PHF20L1: variants seen among roughly 807,000 people sequenced by gnomAD.
PHF20L1 encodes PHD finger protein 20-like protein 1.
Under a neutral mutation model 125.5 loss-of-function variants are expected in PHF20L1, and 44 were observed. That is an observed-to-expected ratio of 0.35 (90% confidence interval 0.28 to 0.45). The LOEUF is 0.45. Ranked by LOEUF, PHF20L1 falls within the 20% of genes least tolerant of loss-of-function variation. The pLI is 1.00. For missense variants in PHF20L1, 1,012 were observed against 1,217.2 expected (o/e 0.83, Z 2.51); for synonymous variants, 380 against 403.1 (o/e 0.94, Z 0.69).
At chr8:132,781,515 G>A (rs145548336) in intron 2 of PHF20L1, among the ~76,000 whole-genome samples, 2,686 of 152,106 alleles carry the variant, frequency 0.018, 78 homozygotes, top group African/African-American at 0.061. Flanking sequence ...TGCAACCTCC[G>A]CCTCTCAGGT....
intron 12 of PHF20L1, among the ~76,000 whole-genome samples, chr8:132,822,128 C>T (rs551848243): frequency 6.6e-6 from 1 of 151,850 alleles, no homozygotes; most frequent in Admixed American, 6.6e-5. Flanking sequence ...CAGTTTTACT[C>T]TTGAAATTTT....
rs200261426 is a variant in PHF20L1 at position 132,843,011 on chromosome 8, A to AT, written c.2748+143dup. 5,315 of 1,404,960 alleles carry AT rather than the reference A, an allele frequency of 3.8e-3. 175 individuals are homozygous for AT. In the African/African-American group the frequency reaches 0.069, roughly 18 times the overall value. The allele number at this position is 1,404,960 out of a possible 1,614,324, so 87.0% of individuals were successfully genotyped here. ...CCCAGTACCTTGTTAAAGTAAGGAGATTTTTTTGTTTTCTCTACAGGAAAA... is the reference window on the plus strand; with the variant it reads ...CCCAGTACCTTGTTAAAGTAAGGAGATTTTTTTTGTTTTCTCTACAGGAAAA... On this transcript the variant is annotated intron_variant, in intron 19 of 20. Coordinates refer to ENST00000395386, the MANE Select transcript of PHF20L1 (RefSeq NM_016018.5).
chr8:132,818,967 CTG>C (rs1472067097), intron 12 of PHF20L1: 1 of 151,748 alleles, frequency 6.6e-6, no homozygotes, highest in Non-Finnish European at 1.5e-5. Flanking sequence ...ATATAAGTAA[CTG>C]TGTAATAACT....
At chr8:132,835,634 G>C (rs1340536681) in intron 15 of PHF20L1, among the ~76,000 whole-genome samples, 2 of 152,014 alleles carry the variant, frequency 1.3e-5, no homozygotes, top group Non-Finnish European at 2.9e-5. Flanking sequence ...TCTAGGATAT[G>C]CTTAATCTAA....
At chr8:132,839,311 C>T (rs1007069042) in intron 17 of PHF20L1, 76 bp from the exon 18 acceptor site, 20 of 1,129,650 alleles carry the variant, frequency 1.8e-5, no homozygotes, top group Admixed American at 7.1e-5. Flanking sequence ...TAATGAGCAA[C>T]GTTAGTAGGT....
At chr8:132,844,895 T>C (rs1389876466) in intron 20 of PHF20L1, among the ~76,000 whole-genome samples, 2 of 152,114 alleles carry the variant, frequency 1.3e-5, no homozygotes, top group East Asian at 1.9e-4. Flanking sequence ...TTCTTAATGC[T>C]TTCTGACTCC....
chr8:132,816,720 G>A (rs1835029630), intron 10 of PHF20L1, 168 bp from the exon 11 acceptor site: 1 of 516,066 alleles, frequency 1.9e-6, no homozygotes. Flanking sequence ...TTGAATGAGG[G>A]CACAATTTTT....
chr8:132,845,774 C>G lies in PHF20L1; in HGVS notation c.2912-7C>G. On this transcript the variant is annotated splice_region_variant and splice_polypyrimidine_tract_variant and intron_variant, in intron 20 of 20. Transcript: ENST00000395386. ...TTTAAATTTGTTTATCTTCTTCTCT[C>G]TTTTAGTTCTGGAAAGCTGGCTTGA... The G allele has an allele frequency of 6.3e-7, 1 of 1,594,258 alleles. No homozygotes were observed. Among genetic ancestry groups the G allele is most frequent in the South Asian group, 1.1e-5 (1 of 90,560 alleles).
intron 4 of PHF20L1, among the ~76,000 whole-genome samples, chr8:132,798,026 G>C (rs1832614001): frequency 6.6e-6 from 1 of 151,970 alleles, no homozygotes; most frequent in Non-Finnish European, 1.5e-5. Flanking sequence ...TTGAAAGCAT[G>C]GGGTCTGTAA....
intron 20 of PHF20L1, among the ~76,000 whole-genome samples, chr8:132,845,415 G>T (rs1023128443): frequency 9.9e-5 from 15 of 151,868 alleles, no homozygotes; most frequent in African/African-American, 3.6e-4. Flanking sequence ...GCAAACATAG[G>T]GAACTGTTGT....
At chr8:132,821,012 C>A (rs972348755) in intron 12 of PHF20L1, among the ~76,000 whole-genome samples, 14 of 151,634 alleles carry the variant, frequency 9.2e-5, no homozygotes, top group African/African-American at 3.4e-4. Context: ...TGTTTTATTG[C>A]AGCATGTCTT....
At chr8:132,813,034 A>G (rs1312908017) in intron 9 of PHF20L1, 8 of 952,760 alleles carry the variant, frequency 8.4e-6, no homozygotes, top group Non-Finnish European at 1.0e-5. Flanking sequence ...TAAGTTTTAA[A>G]AACAATGTTA....
intron 4 of PHF20L1, among the ~76,000 whole-genome samples, chr8:132,795,930 A>C (rs1218468796): frequency 6.6e-6 from 1 of 152,064 alleles, no homozygotes; most frequent in African/African-American, 2.4e-5. Flanking sequence ...TCTCTCTTGC[A>C]AAATATCTTA....
rs147104441 is a variant in PHF20L1 at position 132,839,592 on chromosome 8, G to C, written c.2387+10G>C. The C allele has an allele frequency of 0.01, 16,508 of 1,597,864 alleles. 130 individuals carry two copies. The highest frequency in any genetic ancestry group is 0.054 in the Middle Eastern group (328 of 6,030). Reference sequence around the variant, plus strand: ...AGATTGGAATACTAAAGTAAGTGAAGGGCAGCAAAGGGAGGGTCACACTTC... The same window carrying C: ...AGATTGGAATACTAAAGTAAGTGAACGGCAGCAAAGGGAGGGTCACACTTC... On this transcript the variant is annotated intron_variant, in intron 18 of 20. Coordinates refer to ENST00000395386, the MANE Select transcript of PHF20L1 (RefSeq NM_016018.5).
chr8:132,836,806 G>A (rs919806155), intron 16 of PHF20L1, 85 bp downstream of exon 16: 11 of 948,524 alleles, frequency 1.2e-5, no homozygotes, highest in Non-Finnish European at 1.7e-5. Flanking sequence ...TTTCTTTACT[G>A]ACTGTACTAC....
rs1836530695 is a variant in PHF20L1, at chr8:132,829,415, T to C, written c.1745-2820T>C. On this transcript the variant is annotated intron_variant, in intron 14 of 20. Coordinates refer to ENST00000395386, the MANE Select transcript of PHF20L1 (RefSeq NM_016018.5). ...TTGATAGTTTTATTGCATAGATTTATTATTCGAATTAAATAAAGTAATCAT... is the reference window on the plus strand; with the variant it reads ...TTGATAGTTTTATTGCATAGATTTACTATTCGAATTAAATAAAGTAATCAT... 2.0e-5 allele frequency among the ~76,000 whole-genome samples: 3 copies of C among 152,108 alleles called. No homozygotes were observed. In the South Asian group the frequency reaches 6.2e-4, roughly 31 times the overall value.
chr8:132,823,985 T>G lies in PHF20L1; in HGVS notation c.1580-19T>G, dbSNP rs1182142607. On this transcript the variant is annotated intron_variant, in intron 12 of 20. Transcript: ENST00000395386. ...AAGTTTTTCTGATTAAACTTACATA[T>G]TTTTCCCCTAACCCACAGGAATATC... The G allele has an allele frequency of 1.3e-6, 2 of 1,500,236 alleles. No homozygotes were observed. Among genetic ancestry groups the G allele is most frequent in the Non-Finnish European group, 1.8e-6 (2 of 1,089,818 alleles). 92.9% of individuals were successfully genotyped at this position (1,500,236 alleles called of 1,614,324 possible).
At chr8:132,818,484 G>A (rs1458221077) in intron 12 of PHF20L1, 4 of 151,768 alleles carry the variant, frequency 2.6e-5, no homozygotes, top group African/African-American at 7.3e-5. Context: ...GGCATGTATT[G>A]AAATAAAATG....
rs1201461465 is a variant in PHF20L1 at position 132,846,747 on chromosome 8, A to G, written c.*824A>G. 1 of 152,226 alleles carries G rather than the reference A, an allele frequency of 6.6e-6. No individual in the cohort carries two copies. The highest frequency in any genetic ancestry group is 1.5e-5 in the Non-Finnish European group (1 of 67,944). The allele number at this position is 152,226 out of a possible 1,614,324, so 9.4% of individuals were successfully genotyped here. Reference sequence around the variant, plus strand: ...CCAAAACCTATATATCACCTATACTATATATATCATATATATAGTTGAATG... The same window carrying G: ...CCAAAACCTATATATCACCTATACTGTATATATCATATATATAGTTGAATG... On this transcript the variant is annotated 3_prime_UTR_variant, in exon 21 of 21. Coordinates refer to ENST00000395386, the MANE Select transcript of PHF20L1 (RefSeq NM_016018.5).
Sources: allele counts gnomAD v4.1 joint callset (sites outside exome capture counted in the v4.1 genomes callset), GRCh38; gene constraint gnomAD v4.1.1; transcripts MANE v1.5; gene names NCBI Gene and HGNC (gene_info 2026-07-23, HGNC 2026-07-21).